Variants in FRMD4A observed in about 807,000 individuals in gnomAD.
FRMD4A encodes FERM domain-containing protein 4A.
FRMD4A carries 29 observed loss-of-function variants against 129.1 expected under a neutral mutation model. The observed-to-expected ratio is 0.22, with a 90% CI of 0.17 to 0.31. The LOEUF is 0.31. FRMD4A is among the 10% of genes least tolerant of loss of function. The probability of loss-of-function intolerance (pLI) is 1.00; values close to 1 mark genes in which losing one functional copy is unlikely to be tolerated. For missense variants in FRMD4A, 1,272 were observed against 1,375.8 expected (o/e 0.92, Z 1.19); for synonymous variants, 634 against 571.6 (o/e 1.11, Z -1.56).
At chr10:14,285,055 G>A (rs1445360945) in intron 2 of FRMD4A, among the ~76,000 whole-genome samples, 2 of 152,214 alleles carry the variant, frequency 1.3e-5, no homozygotes, top group African/African-American at 4.8e-5. Flanking sequence ...CTTTCAACGT[G>A]CTGATTTTGA....
At chr10:13,938,109 T>G (rs994718209) in intron 2 of FRMD4A, among the ~76,000 whole-genome samples, 1 of 152,246 alleles carries the variant, frequency 6.6e-6, no homozygotes, top group African/African-American at 2.4e-5. Flanking sequence ...ACAGATAATC[T>G]TCTAATTTTT....
chr10:14,190,917 T>C (rs1842297506), intron 2 of FRMD4A, among the ~76,000 whole-genome samples: 1 of 152,168 alleles, frequency 6.6e-6, no homozygotes, highest in East Asian at 1.9e-4. Context: ...TGGGGCTTTG[T>C]GTGCAAATTT....
intron 8 of FRMD4A, among the ~76,000 whole-genome samples, chr10:13,757,180 A>T (rs552178348): frequency 6.6e-6 from 1 of 152,360 alleles, no homozygotes; most frequent in Non-Finnish European, 1.5e-5. Flanking sequence ...TTTGGCCCAC[A>T]GCTGCCTTTG....
chr10:14,249,135 G>A (rs1844345071), intron 2 of FRMD4A, among the ~76,000 whole-genome samples: 1 of 152,144 alleles, frequency 6.6e-6, no homozygotes, highest in Non-Finnish European at 1.5e-5. Context: ...TGGATCACCT[G>A]AGGTCAGGAG....
chr10:14,174,083 G>T (rs796421737), intron 2 of FRMD4A, among the ~76,000 whole-genome samples: 1 of 152,018 alleles, frequency 6.6e-6, no homozygotes, highest in Non-Finnish European at 1.5e-5. Context: ...TCTCCTGCAA[G>T]TTACTCTCTC....
chr10:13,890,453 G>A (rs34285884), intron 2 of FRMD4A: 220,507 of 853,454 alleles, frequency 0.26, 30,297 homozygotes, highest in East Asian at 0.46. Flanking sequence ...ACAGATCAGT[G>A]ATGCTGTTGG....
intron 2 of FRMD4A, among the ~76,000 whole-genome samples, chr10:14,038,296 C>A (rs558465121): frequency 6.6e-6 from 1 of 152,094 alleles, no homozygotes; most frequent in African/African-American, 2.4e-5. Context: ...GCACTCCAGC[C>A]TGGGCGACAA....
At chr10:13,682,760 G>A (rs775183997) in intron 15 of FRMD4A, among the ~76,000 whole-genome samples, 5 of 151,758 alleles carry the variant, frequency 3.3e-5, no homozygotes, top group Non-Finnish European at 7.4e-5. Context: ...CACCTGCCTC[G>A]GCCTCCCAAA....
intron 3 of FRMD4A, among the ~76,000 whole-genome samples, chr10:13,844,582 T>TAA: frequency 6.6e-6 from 1 of 152,330 alleles, no homozygotes; most frequent in South Asian, 2.1e-4. Context: ...ATTTAAAATT[T>TAA]AAGAATCACT....
At chr10:13,708,345 G>A (rs143373064) in intron 12 of FRMD4A, among the ~76,000 whole-genome samples, 1 of 152,166 alleles carries the variant, frequency 6.6e-6, no homozygotes, top group Non-Finnish European at 1.5e-5. Context: ...GCTAGTCAAT[G>A]GTTGGCTAGT....
intron 2 of FRMD4A, among the ~76,000 whole-genome samples, chr10:14,165,322 T>C (rs1277242005): frequency 6.6e-6 from 1 of 152,148 alleles, no homozygotes; most frequent in Non-Finnish European, 1.5e-5. Flanking sequence ...TAGCCATCCA[T>C]ACCAATCAGA....
chr10:14,186,753 C>T (rs774649401), intron 2 of FRMD4A, among the ~76,000 whole-genome samples: 11 of 152,092 alleles, frequency 7.2e-5, no homozygotes, highest in Non-Finnish European at 1.5e-4. Context: ...CCCAGGATCC[C>T]CAGGAGACTG....
At chr10:13,649,073 C>T (rs936247696) in intron 24 of FRMD4A, among the ~76,000 whole-genome samples, 3 of 152,184 alleles carry the variant, frequency 2.0e-5, no homozygotes, top group Non-Finnish European at 4.4e-5. Context: ...TATTAACATC[C>T]ACAGAACACA....
intron 2 of FRMD4A, among the ~76,000 whole-genome samples, chr10:14,142,555 A>G (rs1471061952): frequency 2.0e-5 from 3 of 152,254 alleles, no homozygotes; most frequent in Non-Finnish European, 4.4e-5. Flanking sequence ...GTTAGTGTAC[A>G]ATAAGCAACT....
chr10:13,702,153 C>A (rs2086895373), intron 13 of FRMD4A, among the ~76,000 whole-genome samples: 1 of 152,156 alleles, frequency 6.6e-6, no homozygotes, highest in Admixed American at 6.5e-5. Context: ...CTCACTGCAA[C>A]CTCCACCTCC....
chr10:14,231,958 T>C (rs1843653937), intron 2 of FRMD4A, among the ~76,000 whole-genome samples: 1 of 152,216 alleles, frequency 6.6e-6, no homozygotes, highest in African/African-American at 2.4e-5. Context: ...GTCAATTTTG[T>C]TTTCATGGTA....
chr10:14,010,847 C>T (rs964425443), intron 2 of FRMD4A, among the ~76,000 whole-genome samples: 1 of 151,834 alleles, frequency 6.6e-6, no homozygotes, highest in Non-Finnish European at 1.5e-5. Context: ...AAATATGTTT[C>T]CCCGGAAGGG....
intron 2 of FRMD4A, chr10:13,866,388 A>G (rs2094367855): frequency 2.5e-6 from 1 of 400,160 alleles, no homozygotes; most frequent in African/African-American, 2.2e-5. Flanking sequence ...TCAGAAGGAA[A>G]TTCCAAGGCC....
intron 19 of FRMD4A, 125 bp downstream of exon 19, chr10:13,663,328 C>CA (rs2082781440): frequency 3.1e-6 from 2 of 649,688 alleles, no homozygotes; most frequent in Non-Finnish European, 5.6e-6. Context: ...AGAGAGCTTG[C>CA]AGGGAGCCCA....
Sources: allele counts gnomAD v4.1 joint callset (sites outside exome capture counted in the v4.1 genomes callset), GRCh38; gene constraint gnomAD v4.1.1; transcripts MANE v1.5; gene names NCBI Gene and HGNC (gene_info 2026-07-23, HGNC 2026-07-21).